The following SOAT2 variants were observed in gnomAD, a reference collection of about 807,000 sequenced individuals.
SOAT2 encodes the protein ACAT-2.
In SOAT2, 87 loss-of-function variants were observed where a neutral mutation model predicts 76.0. That is an observed-to-expected ratio of 1.14 (90% CI 0.96 to 1.37). SOAT2 has a LOEUF of 1.37. SOAT2 is among the 40% of genes most tolerant of loss of function. The pLI is 0.00. For synonymous variants in SOAT2, 285 were observed against 275.4 expected, an observed-to-expected ratio of 1.03 and a Z score of -0.34; for missense variants, 686 against 682.1, an observed-to-expected ratio of 1.01 and a Z score of -0.06.
At chr12:53,109,833 A>G (rs1278895950) in intron 5 of SOAT2, among the ~76,000 whole-genome samples, 1 of 152,202 alleles carries the variant, frequency 6.6e-6, no homozygotes, top group East Asian at 1.9e-4. Context: ...GGTTTACCCA[A>G]TTTTAATGTT....
chr12:53,119,456 C>T (rs1449164083), intron 10 of SOAT2, among the ~76,000 whole-genome samples: 1 of 152,144 alleles, frequency 6.6e-6, no homozygotes, highest in Non-Finnish European at 1.5e-5. Context: ...AACCCATCTC[C>T]CTGGCACCCA....
chr12:53,107,737 C>T (rs1024049913), intron 5 of SOAT2, among the ~76,000 whole-genome samples: 1 of 151,154 alleles, frequency 6.6e-6, no homozygotes, highest in African/African-American at 2.4e-5. Flanking sequence ...AATCTCCAAC[C>T]TCAGCCTCCT....
At position 53,121,793 on chromosome 12, in the gene SOAT2, CTTTTTTTTTTTTTTTTT is replaced by C. The variant is rs56848843; in HGVS notation, c.1236+407_1236+423del. 9.1e-4 allele frequency among the ~76,000 whole-genome samples: 52 copies of C among 56,864 alleles called. 2 individuals are homozygous for C. Among genetic ancestry groups the C allele is most frequent in the Admixed American group, 7.6e-3 (33 of 4,340 alleles). 37.3% of individuals were successfully genotyped at this position (56,864 alleles called of 152,430 possible). On this transcript the variant is annotated intron_variant, in intron 12 of 14. Transcript: ENST00000301466. ...TAAGTCCCAATGGGATAGTAGCATG[CTTTTTTTTTTTTTTTTT>C]TTTTTTTTTTTTTTGAGATGGAGTC...
At position 53,105,975 on chromosome 12, in the gene SOAT2, T is replaced by C; in HGVS notation, c.404T>C (p.Ile135Thr). Residue 135 changes from isoleucine (I) to threonine (T), a missense_variant, in exon 5 of 15, where the codon ATC becomes ACC. Ile to Thr is a moderately conservative substitution (Grantham distance 89). Transcript: ENST00000301466. ...HMFIAGLCVF[I>T]ISTLAIDFID... ...TTCATCGCTGGCCTGTGTGTCTTCA[T>C]CATCAGCACCCTGGCCATCGACTTC... 6.2e-7 allele frequency: 1 copy of C among 1,614,112 alleles called. No homozygotes were observed. Among genetic ancestry groups the C allele is most frequent in the South Asian group, 1.1e-5 (1 of 91,090 alleles).
intron 10 of SOAT2, among the ~76,000 whole-genome samples, chr12:53,120,534 G>A (rs181180879): frequency 3.6e-4 from 55 of 151,834 alleles, no homozygotes; most frequent in Admixed American, 4.6e-4. Context: ...AGTTACTTGG[G>A]AGGCTGAGGT....
At chr12:53,117,444 C>T (rs1416836427) in intron 7 of SOAT2, among the ~76,000 whole-genome samples, 1 of 151,832 alleles carries the variant, frequency 6.6e-6, no homozygotes, top group Non-Finnish European at 1.5e-5. Context: ...AATAGGAAAG[C>T]TCGAGGAGAA....
At chr12:53,113,754 A>C (rs1938058639) in intron 5 of SOAT2, among the ~76,000 whole-genome samples, 1 of 152,186 alleles carries the variant, frequency 6.6e-6, no homozygotes, top group Non-Finnish European at 1.5e-5. Flanking sequence ...CATTCATCTA[A>C]AGACATAAGT....
Position 53,115,998 on chromosome 12 carries a change from A to G in SOAT2, c.709-99A>G, listed in dbSNP as rs1459147093. On this transcript the variant is annotated intron_variant, in intron 6 of 14. Coordinates refer to ENST00000301466, the MANE Select transcript of SOAT2 (RefSeq NM_003578.4). ...TGGGCTCTGACCAGACAGATCTTAC[A>G]CTCTGCCTGCCTCTCAGAGGTAACC... The G allele has an allele frequency of 7.8e-6, 8 of 1,029,636 alleles. No homozygotes were observed. In the Admixed American group the frequency reaches 8.8e-5, roughly 11 times the overall value. 63.8% of individuals were successfully genotyped at this position (1,029,636 alleles called of 1,614,324 possible). A position where few individuals can be genotyped will look rare whatever the true frequency, so the allele number is the denominator to read the frequency against.
At position 53,118,887 on chromosome 12, in the gene SOAT2, C is replaced by T. The variant is rs779375466; in HGVS notation, c.864-3C>T. ...AAACATATTGTCCCCATTGCCGCTG[C>T]AGGACGCCCTATGTCAGGTGGAATT... On this transcript the variant is annotated splice_polypyrimidine_tract_variant and splice_region_variant and intron_variant, in intron 8 of 14. Coordinates refer to ENST00000301466, the MANE Select transcript of SOAT2 (RefSeq NM_003578.4). 1.2e-6 allele frequency: 2 copies of T among 1,614,034 alleles called. No homozygotes were observed. The highest frequency in any genetic ancestry group is 1.7e-5 in the Admixed American group (1 of 60,008).
chr12:53,123,642 C>T, intron 13 of SOAT2, 86 bp from the exon 14 acceptor site: 1 of 1,515,232 alleles, frequency 6.6e-7, no homozygotes, highest in Non-Finnish European at 9.1e-7. Context: ...CTTGTTCCAT[C>T]TCTTCCCAAT....
intron 5 of SOAT2, 32 bp downstream of exon 5, chr12:53,106,046 C>G (rs775657542): frequency 6.7e-7 from 1 of 1,496,936 alleles, no homozygotes; most frequent in Non-Finnish European, 9.3e-7. Context: ...GACAGGCACA[C>G]CTATCTGATC....
At chr12:53,106,975 G>A (rs75240253) in intron 5 of SOAT2, among the ~76,000 whole-genome samples, 1 of 151,930 alleles carries the variant, frequency 6.6e-6, no homozygotes, top group African/African-American at 2.4e-5. Flanking sequence ...CATGCTTTGA[G>A]GTTCAGGAAA....
intron 5 of SOAT2, among the ~76,000 whole-genome samples, chr12:53,107,622 C>CTTTTTTTTTTTTTTT (rs1303838303): frequency 0.026 from 3,018 of 116,464 alleles, 238 homozygotes; most frequent in East Asian, 0.037. Context: ...AACAGATGTA[C>CTTTTTTTTTTTTTTT]TTTTTTTTTT....
intron 5 of SOAT2, among the ~76,000 whole-genome samples, chr12:53,107,278 G>A (rs55854270): frequency 0.11 from 16,254 of 151,086 alleles, 1,044 homozygotes; most frequent in East Asian, 0.21. Flanking sequence ...CAGTGGAGTG[G>A]AAGAGGTTGA....
At chr12:53,123,296 G>C (rs766240151) in intron 13 of SOAT2, 80 bp downstream of exon 13, 553 of 1,565,212 alleles carry the variant, frequency 3.5e-4, no homozygotes, top group Non-Finnish European at 4.7e-4. Flanking sequence ...CCAGACTGAT[G>C]GTGGGAGGCC....
At chr12:53,116,228 C>A in intron 7 of SOAT2, 62 bp downstream of exon 7, 2 of 1,435,242 alleles carry the variant, frequency 1.4e-6, no homozygotes, top group Non-Finnish European at 2.0e-6. Context: ...ATGAAGCCAG[C>A]AGGTGCAGGA....
At chr12:53,108,071 A>G (rs1022440765) in intron 5 of SOAT2, among the ~76,000 whole-genome samples, 1 of 152,172 alleles carries the variant, frequency 6.6e-6, no homozygotes, top group Non-Finnish European at 1.5e-5. Context: ...GGCCTTTTAA[A>G]TTGGCTTTGA....
At chr12:53,118,818 G>T in intron 8 of SOAT2, 72 bp from the exon 9 acceptor site, 1 of 1,572,328 alleles carries the variant, frequency 6.4e-7, no homozygotes, top group Non-Finnish European at 8.8e-7. Flanking sequence ...GAGGGCCCCA[G>T]AACCCGTGCC....
chr12:53,104,962 C>A, intron 2 of SOAT2, 145 bp from the exon 3 acceptor site: 1 of 911,092 alleles, frequency 1.1e-6, no homozygotes, highest in Non-Finnish European at 1.6e-6. Context: ...ACCACTGAAC[C>A]CCCATCCCTG....
Sources: allele counts gnomAD v4.1 joint callset (sites outside exome capture counted in the v4.1 genomes callset), GRCh38; gene constraint gnomAD v4.1.1; transcripts MANE v1.5; gene names NCBI Gene and HGNC (gene_info 2026-07-23, HGNC 2026-07-21).